Variants in ANKRD1 observed in about 807,000 individuals in gnomAD.
The protein encoded by ANKRD1 is ankyrin repeat domain 1, also known as ankyrin repeat domain-containing protein 1.
A neutral mutation model predicts 40.1 loss-of-function variants in ANKRD1; 32 were observed. That is an observed-to-expected ratio of 0.80 (90% CI 0.60 to 1.07). The LOEUF (loss-of-function observed/expected upper bound fraction) is 1.07. Ranked by LOEUF, ANKRD1 falls within the 50% of genes least tolerant of loss-of-function variation. The pLI is 0.00. For missense variants in ANKRD1, 359 were observed against 386.0 expected (o/e 0.93, Z 0.59); for synonymous variants, 149 against 141.2 (o/e 1.06, Z -0.39).
At chr10:90,920,091 C>T (rs765532096) in intron 2 of ANKRD1, 78 bp downstream of exon 2, 4 of 1,587,056 alleles carry the variant, frequency 2.5e-6, no homozygotes, top group Admixed American at 1.7e-5. Context: ...GTTTGTTTCT[C>T]TCTTCTCCTT....
chr10:90,918,717 T>C, intron 4 of ANKRD1, 148 bp downstream of exon 4: 1 of 710,154 alleles, frequency 1.4e-6, no homozygotes, highest in Non-Finnish European at 2.5e-6. Flanking sequence ...CACTGAACTC[T>C]CCTATTAGGC....
intron 6 of ANKRD1, 37 bp from the exon 7 acceptor site, chr10:90,915,917 T>G: frequency 6.3e-7 from 1 of 1,599,172 alleles, no homozygotes; most frequent in South Asian, 1.1e-5. Flanking sequence ...TCGCTAGGAA[T>G]GAGGACAGAG....
Position 90,918,797 on chromosome 10 carries a change from A to C in ANKRD1, c.453+68T>G, listed in dbSNP as rs555039910. ...AGGACTTTGGCACTATATTAGCAAG[A>C]CTGGAGTAAAGCATAAGAAACATAA... On this transcript the variant is annotated intron_variant, in intron 4 of 8. Transcript: ENST00000371697. 106 of 1,275,622 alleles carry C rather than the reference A, an allele frequency of 8.3e-5. No homozygotes were observed. In the African/African-American group the frequency reaches 1.2e-3, roughly 14 times the overall value. 79.0% of individuals were successfully genotyped at this position (1,275,622 alleles called of 1,614,324 possible).
intron 1 of ANKRD1, 95 bp from the exon 2 acceptor site, chr10:90,920,443 C>G: frequency 7.0e-7 from 1 of 1,424,614 alleles, no homozygotes; most frequent in Non-Finnish European, 9.8e-7. Context: ...GTCCTTCTCC[C>G]CTGGGAACAG....
chr10:90,915,469 C>T, intron 8 of ANKRD1, 74 bp downstream of exon 8: 3 of 1,303,788 alleles, frequency 2.3e-6, no homozygotes, highest in South Asian at 1.2e-5. Context: ...TTGTGGGAGT[C>T]GTTTCACCTA....
rs1427504073 is a variant in ANKRD1, at chr10:90,915,809, A to G, written c.723T>C (p.Cys241=). 1 of 1,613,812 alleles carries G rather than the reference A, an allele frequency of 6.2e-7. No homozygotes were observed. The highest frequency in any genetic ancestry group is 1.3e-5 in the African/African-American group (1 of 74,896). ...TGTCTTTGGCGTTGAGGTCTGCCTC[A>G]CAGGCGATAAGATGCTCCGCGCACT... ...HYECAEHLIA[C]EADLNAKDRE... is the part of the protein sequence containing the mutation. Residue 241 remains cysteine, a synonymous_variant, in exon 7 of 9, where the codon TGT becomes TGC. Transcript: ENST00000371697.
chr10:90,912,791 G>A lies in ANKRD1; in HGVS notation c.*75C>T. The A allele has an allele frequency of 3.1e-6, 4 of 1,310,140 alleles. No homozygotes were observed. The South Asian group carries it at 3.5e-5, about 12-fold the overall frequency. The allele number at this position is 1,310,140 out of a possible 1,614,324, so 81.2% of individuals were successfully genotyped here. On this transcript the variant is annotated 3_prime_UTR_variant, in exon 9 of 9. Coordinates refer to ENST00000371697, the MANE Select transcript of ANKRD1 (RefSeq NM_014391.3). ...TGATAAATAGAAACTAGATTTTATG[G>A]CTAGTGTCTCTTCTCTTGGGCCATG...
Position 90,919,196 on chromosome 10 carries a change from T to C in ANKRD1, c.280A>G (p.Lys94Glu). 1 of 1,612,772 alleles carries C rather than the reference T, an allele frequency of 6.2e-7. No homozygotes were observed. Among genetic ancestry groups the C allele is most frequent in the South Asian group, 1.1e-5 (1 of 90,980 alleles). Residue 94 changes from lysine to glutamate, a missense_variant, in exon 3 of 9, where the codon AAG (lysine) becomes GAG (glutamate). By Grantham distance (56) the Lys-to-Glu change is moderately conservative (BLOSUM62 1). Coordinates refer to ENST00000371697, the MANE Select transcript of ANKRD1 (RefSeq NM_014391.3). ...LEDLEIIIQL[K>E]KRKKYRKTKV... ...GTTTTCCTGTATTTTTTCCTTTTCT[T>C]CAGTTGAATGATTATTTCAAGGTCT...
chr10:90,914,732 CACT>C (rs1423983985), intron 8 of ANKRD1, among the ~76,000 whole-genome samples: 10 of 88,858 alleles, frequency 1.1e-4, no homozygotes, highest in African/African-American at 4.5e-4. Flanking sequence ...CCCCCCCCCC[CACT>C]CTTTTTTGTA....
In ANKRD1 at chr10:90,919,206, G is replaced by T. The variant is rs1060504952; in HGVS notation, c.270C>A (p.Ile90=). The T allele has an allele frequency of 1.9e-6, 3 of 1,610,938 alleles. No homozygotes were observed. The highest frequency in any genetic ancestry group is 2.5e-6 in the Non-Finnish European group (3 of 1,178,594). The change falls in exon 3 of 9, where the codon ATC becomes ATA. Residue 90 remains isoleucine (I), a synonymous_variant. Coordinates refer to ENST00000371697, the MANE Select transcript of ANKRD1 (RefSeq NM_014391.3). ...KLENLEDLEI[I]IQLKKRKKYR... ...ATTTTTTCCTTTTCTTCAGTTGAAT[G>T]ATTATTTCAAGGTCTTCTAAATTTT...
intron 7 of ANKRD1, 38 bp downstream of exon 7, chr10:90,915,744 T>G (rs759373590): frequency 6.2e-7 from 1 of 1,612,406 alleles, no homozygotes; most frequent in Non-Finnish European, 8.5e-7. Flanking sequence ...ACAAAAGCAA[T>G]GAAGCTTTGG....
chr10:90,919,076 C>T, intron 3 of ANKRD1, 55 bp downstream of exon 3: 4 of 1,608,008 alleles, frequency 2.5e-6, no homozygotes, highest in Non-Finnish European at 3.4e-6. Flanking sequence ...ATATTTGCTC[C>T]CCTGTAGCAC....
intron 8 of ANKRD1, among the ~76,000 whole-genome samples, chr10:90,914,569 C>T (rs988205485): frequency 1.3e-5 from 2 of 152,104 alleles, no homozygotes; most frequent in Non-Finnish European, 2.9e-5. Context: ...ACTGTTAACA[C>T]TTTCCCATCC....
intron 4 of ANKRD1, 22 bp from the exon 5 acceptor site, chr10:90,917,852 A>AC: frequency 6.3e-7 from 1 of 1,580,304 alleles, no homozygotes; most frequent in East Asian, 2.2e-5. Flanking sequence ...GAGATTTTAA[A>AC]CAGAGATAGC....
rs190969326 is a variant in ANKRD1, at chr10:90,914,218, C to T, written c.850-1242G>A. Reference sequence around the variant, plus strand: ...ATAGGTTATTGATCTTTGGGGGAAACATCAATCCATTGGGTCAATGACATT... The same window carrying T: ...ATAGGTTATTGATCTTTGGGGGAAATATCAATCCATTGGGTCAATGACATT... On this transcript the variant is annotated intron_variant, in intron 8 of 8. Coordinates refer to ENST00000371697, the MANE Select transcript of ANKRD1 (RefSeq NM_014391.3). Among the ~76,000 whole-genome samples the T allele has an allele frequency of 2.8e-4, 42 of 152,240 alleles. No homozygotes were observed. The East Asian group carries it at 7.5e-3, about 27-fold the overall frequency.
At chr10:90,914,161 ATGC>A (rs1051163040) in intron 8 of ANKRD1, among the ~76,000 whole-genome samples, 10 of 152,322 alleles carry the variant, frequency 6.6e-5, no homozygotes, top group Middle Eastern at 3.4e-3. Flanking sequence ...AAAATATTGT[ATGC>A]TGCTCCCAAT....
chr10:90,915,751 T>C (rs1847361971), intron 7 of ANKRD1, 31 bp downstream of exon 7: 1 of 1,613,180 alleles, frequency 6.2e-7, no homozygotes, highest in South Asian at 1.1e-5. Flanking sequence ...CAATGAAGCT[T>C]TGGGAAACCC....
In ANKRD1 at chr10:90,912,972, C is replaced by A. The variant is rs1259097636; in HGVS notation, c.854G>T (p.Gly285Val). The A allele has an allele frequency of 1.2e-6, 2 of 1,613,944 alleles. No homozygotes were observed. Among genetic ancestry groups the A allele is most frequent in the Admixed American group, 1.7e-5 (1 of 60,018 alleles). The change falls in exon 9 of 9, where the codon GGG becomes GTG. Residue 285 changes from glycine (G) to valine (V), a missense_variant. Coordinates refer to ENST00000371697, the MANE Select transcript of ANKRD1 (RefSeq NM_014391.3). ...TAGCACCAGATCCATCGGCGTCTTC[C>A]CAGCCTAATCAAATGAGATAAGGAA... is the stretch of plus-strand genomic sequence containing the variant. ...GADLNIKNCAGKTPMDLVLHW... is the reference protein window; with the variant it reads ...GADLNIKNCAVKTPMDLVLHW...
intron 6 of ANKRD1, 89 bp downstream of exon 6, chr10:90,916,082 G>A (rs1356923871): frequency 1.4e-6 from 1 of 700,964 alleles, no homozygotes; most frequent in African/African-American, 2.3e-5. Context: ...GAAGGAGGAG[G>A]GGGAGGGGGA....
Sources: gnomAD v4.1 joint callset for allele counts (sites outside exome capture counted in the v4.1 genomes callset) on GRCh38, gnomAD v4.1.1 for gene constraint, MANE v1.5 for transcripts, NCBI Gene and HGNC (gene_info 2026-07-23, HGNC 2026-07-21) for gene names.